The following CYREN variants were observed in gnomAD, a reference collection of about 807,000 sequenced individuals.
The protein encoded by CYREN is cell cycle regulator of non-homologous end joining.
CYREN carries 7 observed loss-of-function variants against 9.7 expected under a neutral mutation model. The observed-to-expected ratio is 0.72, with a 90% CI of 0.41 to 1.36. The LOEUF (loss-of-function observed/expected upper bound fraction) is 1.36, where lower values mean the gene tolerates loss of function less well. Ranked by LOEUF, CYREN falls within the 40% of genes most tolerant of loss-of-function variation. The probability of loss-of-function intolerance (pLI) is 0.01; values close to 1 mark genes in which losing one functional copy is unlikely to be tolerated. For missense variants in CYREN, 215 were observed against 198.1 expected (o/e 1.09, Z -0.51); for synonymous variants, 76 against 77.9 (o/e 0.98, Z 0.13).
intron 2 of CYREN, chr7:135,134,774 A>C: frequency 7.4e-7 from 1 of 1,355,730 alleles, no homozygotes; most frequent in Non-Finnish European, 1.0e-6. Context: ...ATACTATGAC[A>C]ACATACCTAG....
At chr7:135,107,765 A>G (rs1375708615) in intron 2 of CYREN, among the ~76,000 whole-genome samples, 1 of 152,206 alleles carries the variant, frequency 6.6e-6, no homozygotes, top group East Asian at 1.9e-4. Flanking sequence ...CATCCTGAAT[A>G]TCTTTGTGAA....
chr7:135,106,849 T>G (rs1166454845), intron 2 of CYREN, among the ~76,000 whole-genome samples: 1 of 152,160 alleles, frequency 6.6e-6, no homozygotes, highest in Non-Finnish European at 1.5e-5. Flanking sequence ...GTCCTGGGAT[T>G]TTTTTGGATG....
At chr7:135,154,997 T>C (rs1829755339) in intron 2 of CYREN, among the ~76,000 whole-genome samples, 1 of 152,208 alleles carries the variant, frequency 6.6e-6, no homozygotes, top group Admixed American at 6.5e-5. Flanking sequence ...GATATTTGTT[T>C]TGTTAATCTG....
At chr7:135,133,354 C>T (rs1221244911) in intron 2 of CYREN, among the ~76,000 whole-genome samples, 6 of 152,160 alleles carry the variant, frequency 3.9e-5, no homozygotes, top group Non-Finnish European at 5.9e-5. Context: ...GTCAGTTCTT[C>T]CCAGCTTAAT....
At chr7:135,123,735 T>C (rs187980333) in intron 2 of CYREN, among the ~76,000 whole-genome samples, 12 of 152,244 alleles carry the variant, frequency 7.9e-5, no homozygotes, top group Admixed American at 5.2e-4. Flanking sequence ...TGGGAGTCAA[T>C]ATTCAACATT....
At chr7:135,117,582 T>G (rs1005710605) in intron 2 of CYREN, among the ~76,000 whole-genome samples, 1 of 152,116 alleles carries the variant, frequency 6.6e-6, no homozygotes, top group African/African-American at 2.4e-5. Flanking sequence ...GTTGAGACAG[T>G]CAAACAAATG....
intron 2 of CYREN, among the ~76,000 whole-genome samples, chr7:135,107,426 T>C (rs1236279081): frequency 6.6e-6 from 1 of 152,230 alleles, no homozygotes; most frequent in Non-Finnish European, 1.5e-5. Flanking sequence ...TTTGTTCTCA[T>C]TAATTAAAAA....
intron 2 of CYREN, among the ~76,000 whole-genome samples, chr7:135,154,508 CTT>C (rs1275457335): frequency 6.6e-6 from 1 of 152,190 alleles, no homozygotes; most frequent in African/African-American, 2.4e-5. Context: ...AAACTTCCCT[CTT>C]AGCACTTCTT....
chr7:135,166,664 C>T lies in CYREN; in HGVS notation c.421G>A (p.Glu141Lys). The T allele has an allele frequency of 6.2e-7, 1 of 1,609,388 alleles. No individual in the cohort carries two copies. The highest frequency in any genetic ancestry group is 8.5e-7 in the Non-Finnish European group (1 of 1,179,906). ...TTCAGCACATCCTCTTCCTCCTCCTCCTCAGGGCTCCTGCTACAGGCAGAG... is the reference window on the plus strand; with the variant it reads ...TTCAGCACATCCTCTTCCTCCTCCTTCTCAGGGCTCCTGCTACAGGCAGAG... ...SSSACSRSPE[E>K]EEEEDVLKYV... The change falls in exon 4 of 4, where the codon GAG becomes AAG. Residue 141 changes from glutamate (E) to lysine (K), a missense_variant. Transcript: ENST00000393114.
chr7:135,111,681 C>A (rs1052856008), intron 2 of CYREN, among the ~76,000 whole-genome samples: 3 of 152,272 alleles, frequency 2.0e-5, no homozygotes, highest in African/African-American at 7.2e-5. Context: ...ACTCCTGTTT[C>A]TCTAGCCATT....
Position 135,126,813 on chromosome 7 carries a change from C to T in CYREN, n.357-32231G>A, listed in dbSNP as rs541426869. On this transcript the variant is annotated intron_variant and non_coding_transcript_variant, in intron 2 of 2. Transcript: ENST00000459937. ...AGTGATGCTGGGAAAACTGGCTAGCCATGTGCAGAAAACTGAAACTGGACC... is the reference window on the plus strand; with the variant it reads ...AGTGATGCTGGGAAAACTGGCTAGCTATGTGCAGAAAACTGAAACTGGACC... 2.6e-5 allele frequency among the ~76,000 whole-genome samples: 4 copies of T among 152,272 alleles called. No individual in the cohort carries two copies. The South Asian group carries it at 8.3e-4, about 32-fold the overall frequency.
chr7:135,166,862 G>A lies in CYREN; in HGVS notation c.223C>T (p.Gln75Ter). Residue 75 changes from glutamine to a stop codon, truncating the protein, a stop_gained, in exon 4 of 4, where the codon CAG becomes TAG. Transcript: ENST00000393114. LOFTEE classifies it low-confidence loss of function (END_TRUNC). ...ALGILIESRK[Q>*]EKACEQPALA... ...GCCGGCTGCTCGCAGGCCTTTTCCT[G>A]TTTGCGGCTCTGTGGAGTACGGGAA... 1 of 1,613,522 alleles carries A rather than the reference G, an allele frequency of 6.2e-7. No individual in the cohort carries two copies. The highest frequency in any genetic ancestry group is 8.5e-7 in the Non-Finnish European group (1 of 1,179,524).
intron 2 of CYREN, chr7:135,128,886 G>A: frequency 7.3e-7 from 1 of 1,378,446 alleles, no homozygotes; most frequent in Non-Finnish European, 1.0e-6. Flanking sequence ...CTTTGATCAA[G>A]CTCAGCAGAT....
chr7:135,163,582 T>C (rs1231745862), downstream of CYREN, among the ~76,000 whole-genome samples: 15 of 152,112 alleles, frequency 9.9e-5, no homozygotes, highest in Non-Finnish European at 1.5e-5. Context: ...GAGGCAGAGA[T>C]TGCAGTGAGC....
chr7:135,116,518 A>G (rs1014980672), intron 2 of CYREN, among the ~76,000 whole-genome samples: 20 of 152,166 alleles, frequency 1.3e-4, no homozygotes, highest in South Asian at 6.2e-4. Flanking sequence ...CACCAGCCCA[A>G]TGGGGAGAGA....
intron 2 of CYREN, among the ~76,000 whole-genome samples, chr7:135,143,586 G>C (rs1829491398): frequency 6.6e-6 from 1 of 152,094 alleles, no homozygotes; most frequent in Non-Finnish European, 1.5e-5. Flanking sequence ...AGATATCTCT[G>C]TACCTTCCTC....
At chr7:135,142,085 G>A (rs1277364950) in intron 2 of CYREN, among the ~76,000 whole-genome samples, 1 of 152,074 alleles carries the variant, frequency 6.6e-6, no homozygotes, top group Non-Finnish European at 1.5e-5. Context: ...GTCAAGTTTA[G>A]TTCCAGAATA....
intron 2 of CYREN, among the ~76,000 whole-genome samples, chr7:135,117,897 T>C (rs1826554702): frequency 6.6e-6 from 1 of 152,214 alleles, no homozygotes; most frequent in Non-Finnish European, 1.5e-5. Flanking sequence ...AATCAGATTA[T>C]CTTTCTCTAT....
chr7:135,108,394 G>A (rs1453089777), intron 2 of CYREN, among the ~76,000 whole-genome samples: 1 of 152,100 alleles, frequency 6.6e-6, no homozygotes, highest in Non-Finnish European at 1.5e-5. Context: ...CTTATAAGGT[G>A]GGTCTGGTGG....
Sources: allele counts gnomAD v4.1 joint callset (sites outside exome capture counted in the v4.1 genomes callset), GRCh38; gene constraint gnomAD v4.1.1; transcripts MANE v1.5; gene names NCBI Gene and HGNC (gene_info 2026-07-23, HGNC 2026-07-21).